The following MDGA1 variants were observed in gnomAD, a reference collection of about 807,000 sequenced individuals.
MDGA1 encodes the protein MAM domain containing glycosylphosphatidylinositol anchor 1.
A neutral mutation model predicts 101.5 loss-of-function variants in MDGA1; 54 were observed. The ratio of observed to expected loss-of-function variants is 0.53; its 90% CI spans 0.43 to 0.67. The LOEUF is 0.67. Ranked by LOEUF, MDGA1 falls within the 30% of genes least tolerant of loss-of-function variation. The pLI, the probability that MDGA1 is intolerant of heterozygous loss-of-function variation, is 0.00. For synonymous variants in MDGA1, 533 were observed against 558.3 expected (o/e 0.95, Z 0.64); for missense variants, 1,083 against 1,323.8 (o/e 0.82, Z 2.82).
At chr6:37,688,983 A>G (rs1450068856) in intron 1 of MDGA1, among the ~76,000 whole-genome samples, 2 of 152,084 alleles carry the variant, frequency 1.3e-5, no homozygotes, top group Non-Finnish European at 2.9e-5. Flanking sequence ...GCCCAGCCCC[A>G]GCCCCGCTGA....
At chr6:37,644,367 GCTCC>G in intron 13 of MDGA1, 126 bp downstream of exon 13, 2 of 1,032,212 alleles carry the variant, frequency 1.9e-6, no homozygotes, top group Non-Finnish European at 2.7e-6. Flanking sequence ...TCAGACCAGA[GCTCC>G]CTGAGAACAG....
chr6:37,654,368 A>G lies in MDGA1; in HGVS notation c.888T>C (p.Pro296=), dbSNP rs1442249589. The change falls in exon 6 of 17, where the codon CCT becomes CCC. Residue 296 remains proline, a synonymous_variant. Coordinates refer to ENST00000434837, the MANE Select transcript of MDGA1 (RefSeq NM_153487.4). The part of the protein sequence containing the change: ...ALAQGGTLSI[P]SVQARDSGYY... ...AGCCAGAGTCCCGGGCCTGCACTGAAGGGATGCTGAGGGTGCCACCCTGGG... is the reference window on the plus strand; with the variant it reads ...AGCCAGAGTCCCGGGCCTGCACTGAGGGGATGCTGAGGGTGCCACCCTGGG... The G allele has an allele frequency of 1.2e-6, 2 of 1,613,048 alleles. No homozygotes were observed. The highest frequency in any genetic ancestry group is 1.7e-6 in the Non-Finnish European group (2 of 1,179,500).
chr6:37,638,998 T>C lies in MDGA1; in HGVS notation c.2537-331A>G, dbSNP rs1764001443. 1 of 242,686 alleles carries C rather than the reference T, an allele frequency of 4.1e-6. No individual in the cohort carries two copies. Among genetic ancestry groups the C allele is most frequent in the Admixed American group, 4.6e-5 (1 of 21,788 alleles). The allele number at this position is 242,686 out of a possible 1,614,324, so 15.0% of individuals were successfully genotyped here. ...CCTTCCCCTCTAGGCAAGGGAGCTG[T>C]CCCAGGGCAGTGGGACCTCTGTCTG... On this transcript the variant is annotated intron_variant, in intron 14 of 16. Coordinates refer to ENST00000434837, the MANE Select transcript of MDGA1 (RefSeq NM_153487.4). The surrounding 1 kb of genome is among the most constrained non-coding windows in gnomAD (Gnocchi z 4.8).
At chr6:37,673,538 C>T (rs1479520190) in intron 1 of MDGA1, among the ~76,000 whole-genome samples, 2 of 152,226 alleles carry the variant, frequency 1.3e-5, no homozygotes, top group East Asian at 3.8e-4. Context: ...GGATGATGTT[C>T]CAAGCCTCTC....
rs1361178407 is a variant in MDGA1 at position 37,647,185 on chromosome 6, G to A, written c.2034C>T (p.Leu678=). Residue 678 remains leucine, a synonymous_variant, in exon 10 of 17, where the codon CTC becomes CTT. Coordinates refer to ENST00000434837, the MANE Select transcript of MDGA1 (RefSeq NM_153487.4). The part of the protein sequence containing the change: ...DAVDPVLNYR[L]SIRQLNQHNA... ...CCCCTTGGCCCACCTGGCGGATGCT[G>A]AGTCTGTAGTTGAGCACAGGGTCGA... 1.9e-6 allele frequency: 3 copies of A among 1,596,570 alleles called. No individual in the cohort carries two copies. Among genetic ancestry groups the A allele is most frequent in the South Asian group, 2.3e-5 (2 of 87,722 alleles).
intron 14 of MDGA1, chr6:37,639,913 T>C (rs1353847043): frequency 6.6e-6 from 1 of 152,194 alleles, no homozygotes; most frequent in African/African-American, 2.4e-5. Flanking sequence ...TGAGATTCTA[T>C]GAAAGTCCTT....
chr6:37,661,630 T>C (rs182481043), intron 2 of MDGA1, among the ~76,000 whole-genome samples: 37 of 152,192 alleles, frequency 2.4e-4, no homozygotes, highest in Middle Eastern at 6.8e-3. Context: ...GATATGTACT[T>C]GGGGATGATG....
At chr6:37,644,408 G>T (rs571180185) in intron 13 of MDGA1, 89 bp downstream of exon 13, 2 of 1,320,366 alleles carry the variant, frequency 1.5e-6, no homozygotes, top group East Asian at 2.7e-5. Flanking sequence ...GACTGGAGCC[G>T]TCTCCCTTCA....
In MDGA1 at chr6:37,637,085, AAAG is replaced by A; in HGVS notation, c.*280_*282del. Reference sequence around the variant, plus strand: ...CAGGCAAGTCCCCTGTCTTTGCAGTAAAGAAGGTGCTGGCAGGTCAGATAGAAA... The same window carrying A: ...CAGGCAAGTCCCCTGTCTTTGCAGTAAAGGTGCTGGCAGGTCAGATAGAAA... On this transcript the variant is annotated 3_prime_UTR_variant, in exon 17 of 17. Coordinates refer to ENST00000434837, the MANE Select transcript of MDGA1 (RefSeq NM_153487.4). The A allele has an allele frequency of 6.2e-6, 2 of 320,714 alleles. No homozygotes were observed. Among genetic ancestry groups the A allele is most frequent in the South Asian group, 7.1e-5 (1 of 14,100 alleles). 19.9% of individuals were successfully genotyped at this position (320,714 alleles called of 1,614,324 possible).
At chr6:37,675,259 G>C (rs1328205271) in intron 1 of MDGA1, among the ~76,000 whole-genome samples, 2 of 152,140 alleles carry the variant, frequency 1.3e-5, no homozygotes, top group African/African-American at 4.8e-5. Context: ...CCTTGGGAAA[G>C]TTGTTTAACC....
intron 1 of MDGA1, among the ~76,000 whole-genome samples, chr6:37,676,690 G>A (rs1429511175): frequency 6.6e-6 from 1 of 152,108 alleles, no homozygotes; most frequent in Non-Finnish European, 1.5e-5. Flanking sequence ...TGGAGGTCAG[G>A]AGTTCAAGAC....
chr6:37,687,240 C>T (rs1295678663), intron 1 of MDGA1, among the ~76,000 whole-genome samples: 5 of 151,982 alleles, frequency 3.3e-5, no homozygotes, highest in Admixed American at 1.3e-4. Context: ...CTTCCAGACA[C>T]GTAGTGGGTA....
At chr6:37,639,011 G>A in intron 14 of MDGA1, 1 of 230,360 alleles carries the variant, frequency 4.3e-6, no homozygotes, top group Non-Finnish European at 8.8e-6. Flanking sequence ...CAGGGCAGTG[G>A]GACCTCTGTC....
At position 37,655,642 on chromosome 6, in the gene MDGA1, C is replaced by A; in HGVS notation, c.579+58G>T. 7.2e-7 allele frequency: 1 copy of A among 1,387,964 alleles called. No individual in the cohort carries two copies. The highest frequency in any genetic ancestry group is 9.8e-7 in the Non-Finnish European group (1 of 1,021,838). 86.0% of individuals were successfully genotyped at this position (1,387,964 alleles called of 1,614,324 possible). A position where few individuals can be genotyped will look rare whatever the true frequency, so the allele number is the denominator to read the frequency against. On this transcript the variant is annotated intron_variant, in intron 4 of 16. Coordinates refer to ENST00000434837, the MANE Select transcript of MDGA1 (RefSeq NM_153487.4). This position sits in a 1 kb window ranked among gnomAD's most constrained non-coding sequence, Gnocchi z 5.1. ...GTCCCAAAAACTCAGCCCCATGCCC[C>A]CCTCCCCTGTTGGATGCAGGAGAAG...
intron 12 of MDGA1, 37 bp from the exon 13 acceptor site, chr6:37,644,686 C>A (rs753573329): frequency 1.3e-6 from 2 of 1,489,430 alleles, no homozygotes; most frequent in Admixed American, 4.3e-5. Flanking sequence ...AAGAGTCAGC[C>A]TCTTCAGTCC....
intron 1 of MDGA1, among the ~76,000 whole-genome samples, chr6:37,674,587 T>C (rs1346583605): frequency 1.3e-5 from 2 of 152,224 alleles, no homozygotes; most frequent in Non-Finnish European, 2.9e-5. Flanking sequence ...TGGCAGGTGA[T>C]GCTCATAGAA....
rs1344424284 is a variant in MDGA1, at chr6:37,635,842, TCAG to T, written c.*1523_*1525del. 3.8e-5 allele frequency: 15 copies of T among 398,046 alleles called. No individual in the cohort carries two copies. The East Asian group carries it at 5.0e-4, about 13-fold the overall frequency. 24.7% of individuals were successfully genotyped at this position (398,046 alleles called of 1,614,324 possible). On this transcript the variant is annotated 3_prime_UTR_variant, in exon 17 of 17. Transcript: ENST00000434837. ...CAGAACAGGGCTGGACAGAGTCTAT[TCAG>T]CCAGCACCCTACAAGCGAACACATC...
Position 37,655,661 on chromosome 6 carries a change from G to A in MDGA1, c.579+39C>T. 1 of 1,515,844 alleles carries A rather than the reference G, an allele frequency of 6.6e-7. No homozygotes were observed. The highest frequency in any genetic ancestry group is 8.9e-7 in the Non-Finnish European group (1 of 1,120,794). 93.9% of individuals were successfully genotyped at this position (1,515,844 alleles called of 1,614,324 possible). Reference sequence around the variant, plus strand: ...ATGCCCCCCTCCCCTGTTGGATGCAGGAGAAGTGGTATGGGGCGAGCCAGC... The same window carrying A: ...ATGCCCCCCTCCCCTGTTGGATGCAAGAGAAGTGGTATGGGGCGAGCCAGC... On this transcript the variant is annotated intron_variant, in intron 4 of 16. Coordinates refer to ENST00000434837, the MANE Select transcript of MDGA1 (RefSeq NM_153487.4). The surrounding 1 kb of genome is among the most constrained non-coding windows in gnomAD (Gnocchi z 5.1).
chr6:37,685,745 G>T (rs144066348), intron 1 of MDGA1, among the ~76,000 whole-genome samples: 3 of 152,244 alleles, frequency 2.0e-5, no homozygotes, highest in Admixed American at 1.3e-4. Context: ...GAAGCTGGTG[G>T]GACTGTCACT....
Sources: allele counts gnomAD v4.1 joint callset (sites outside exome capture counted in the v4.1 genomes callset), GRCh38; gene constraint gnomAD v4.1.1; non-coding constraint Gnocchi (gnomAD v3.1); transcripts MANE v1.5; gene names NCBI Gene and HGNC (gene_info 2026-07-23, HGNC 2026-07-21).